The following AUH variants were observed in gnomAD, a reference collection of about 807,000 sequenced individuals.
AUH encodes AU RNA binding methylglutaconyl-CoA hydratase.
A neutral mutation model predicts 42.3 loss-of-function variants in AUH; 29 were observed. The observed-to-expected ratio is 0.69, with a 90% CI of 0.51 to 0.93. AUH has a LOEUF of 0.93. AUH is among the 40% of genes least tolerant of loss of function. The probability of loss-of-function intolerance (pLI) is 0.00; values close to 1 mark genes in which losing one functional copy is unlikely to be tolerated. For synonymous variants in AUH, 174 were observed against 166.4 expected (o/e 1.05, Z -0.35); for missense variants, 452 against 438.1 (o/e 1.03, Z -0.28).
intron 3 of AUH, among the ~76,000 whole-genome samples, chr9:91,331,981 C>G (rs957677705): frequency 6.6e-6 from 1 of 152,176 alleles, no homozygotes; most frequent in Non-Finnish European, 1.5e-5. Context: ...GATCTTCAAC[C>G]TTTTTGTTCC....
intron 6 of AUH, among the ~76,000 whole-genome samples, chr9:91,236,265 G>A (rs1156931974): frequency 1.5e-5 from 2 of 134,152 alleles, no homozygotes; most frequent in African/African-American, 2.7e-5. Flanking sequence ...GGGTTGGGGG[G>A]ATCGGGGTGG....
chr9:91,219,950 CCT>C (rs1827037849), intron 7 of AUH, among the ~76,000 whole-genome samples: 1 of 152,088 alleles, frequency 6.6e-6, no homozygotes, highest in African/African-American at 2.4e-5. Context: ...GTTAAGCAAC[CCT>C]GAGTTAGAGA....
chr9:91,253,459 T>C lies in AUH; in HGVS notation c.656-32467A>G, dbSNP rs1044541566. Among the ~76,000 whole-genome samples the C allele has an allele frequency of 4.6e-5, 7 of 152,244 alleles. 1 individual carries two copies. The highest frequency in any genetic ancestry group is 4.6e-4 in the Admixed American group (7 of 15,288). On this transcript the variant is annotated intron_variant, in intron 6 of 9. Coordinates refer to ENST00000375731, the MANE Select transcript of AUH (RefSeq NM_001698.3). ...AAAGCAGAAAATAAATTATGGGGTA[T>C]AATAAAACACCCAAGAAGAGGTAAA...
At chr9:91,220,304 A>G (rs867241025) in intron 7 of AUH, among the ~76,000 whole-genome samples, 1 of 152,232 alleles carries the variant, frequency 6.6e-6, no homozygotes, top group African/African-American at 2.4e-5. Flanking sequence ...CAGAAAGACA[A>G]ACAACTGCTG....
chr9:91,301,878 T>C (rs1022607630), intron 4 of AUH, among the ~76,000 whole-genome samples: 1 of 152,222 alleles, frequency 6.6e-6, no homozygotes, highest in Non-Finnish European at 1.5e-5. Context: ...GGTTAAGCAC[T>C]GGAACTTTAA....
intron 6 of AUH, among the ~76,000 whole-genome samples, chr9:91,274,684 TTATG>T (rs1275227250): frequency 2.0e-5 from 3 of 152,172 alleles, no homozygotes; most frequent in African/African-American, 7.2e-5. Flanking sequence ...AAATAAATCT[TTATG>T]TAGGTTAACA....
intron 6 of AUH, among the ~76,000 whole-genome samples, chr9:91,259,697 T>C (rs973025144): frequency 6.6e-6 from 1 of 152,212 alleles, no homozygotes; most frequent in Non-Finnish European, 1.5e-5. Context: ...ACAGACTACT[T>C]AGAAGTATAT....
chr9:91,286,233 A>T (rs2056664115), intron 6 of AUH, among the ~76,000 whole-genome samples: 1 of 152,130 alleles, frequency 6.6e-6, no homozygotes, highest in Non-Finnish European at 1.5e-5. Context: ...ACACACACTC[A>T]CAGGATTTAA....
chr9:91,323,791 G>T (rs1829770149), intron 4 of AUH, among the ~76,000 whole-genome samples: 1 of 151,872 alleles, frequency 6.6e-6, no homozygotes, highest in South Asian at 2.1e-4. Flanking sequence ...TTCCTTGAAA[G>T]ACATTAAAAA....
chr9:91,251,146 A>G (rs570650057), intron 6 of AUH, among the ~76,000 whole-genome samples: 29 of 152,296 alleles, frequency 1.9e-4, no homozygotes, highest in African/African-American at 7.0e-4. Context: ...TAGGTAAGGT[A>G]GACAGGATGG....
chr9:91,279,370 G>A (rs534663152), intron 6 of AUH, among the ~76,000 whole-genome samples: 2 of 152,266 alleles, frequency 1.3e-5, no homozygotes, highest in East Asian at 1.9e-4. Flanking sequence ...CAGTGATAGA[G>A]ATGGGATTTC....
intron 6 of AUH, among the ~76,000 whole-genome samples, chr9:91,261,293 A>G (rs10991853): frequency 0.22 from 32,802 of 152,072 alleles, 3,740 homozygotes; most frequent in East Asian, 0.34. Flanking sequence ...TCCTTTTGGG[A>G]CTTGTTTCTA....
chr9:91,314,480 C>T (rs1156613813), intron 4 of AUH, among the ~76,000 whole-genome samples: 1 of 142,792 alleles, frequency 7.0e-6, no homozygotes, highest in African/African-American at 2.6e-5. Context: ...GAGACCCTCT[C>T]TCAAAGAAGG....
chr9:91,306,815 A>G (rs180937825), intron 4 of AUH, among the ~76,000 whole-genome samples: 63 of 152,326 alleles, frequency 4.1e-4, no homozygotes, highest in African/African-American at 1.3e-3. Flanking sequence ...CCATAACTTG[A>G]TCCATAAACG....
At chr9:91,262,760 C>T (rs1829769838) in intron 6 of AUH, among the ~76,000 whole-genome samples, 1 of 152,090 alleles carries the variant, frequency 6.6e-6, no homozygotes, top group Non-Finnish European at 1.5e-5. Context: ...TTCAAAACTC[C>T]GTAACTACTC....
intron 3 of AUH, among the ~76,000 whole-genome samples, chr9:91,350,437 C>T (rs1480150736): frequency 1.3e-5 from 2 of 152,188 alleles, no homozygotes; most frequent in African/African-American, 4.8e-5. Flanking sequence ...TCTATAGGAA[C>T]TCTTTTAGTC....
At chr9:91,343,561 C>T (rs924638844) in intron 3 of AUH, among the ~76,000 whole-genome samples, 3 of 152,118 alleles carry the variant, frequency 2.0e-5, no homozygotes, top group African/African-American at 2.4e-5. Context: ...GCCAGGAGTC[C>T]GAGACCAGCC....
chr9:91,217,092 G>C (rs1826863720), intron 8 of AUH, among the ~76,000 whole-genome samples, 185 bp downstream of exon 8: 1 of 152,138 alleles, frequency 6.6e-6, no homozygotes, highest in African/African-American at 2.4e-5. Flanking sequence ...TACTGAATTA[G>C]CAATAACTGT....
At chr9:91,342,007 T>C (rs555302298) in intron 3 of AUH, among the ~76,000 whole-genome samples, 58 of 152,176 alleles carry the variant, frequency 3.8e-4, no homozygotes, top group Admixed American at 1.1e-3. Flanking sequence ...AGTGGGAAAT[T>C]GGTGGGAAAA....
Sources: gnomAD v4.1 joint callset for allele counts (sites outside exome capture counted in the v4.1 genomes callset) on GRCh38, gnomAD v4.1.1 for gene constraint, MANE v1.5 for transcripts, NCBI Gene and HGNC (gene_info 2026-07-23, HGNC 2026-07-21) for gene names.